The following IFFO1 variants were observed in gnomAD, a reference collection of about 807,000 sequenced individuals.
IFFO1 encodes intermediate filament family orphan 1.
In IFFO1, 42 loss-of-function variants were observed where a neutral mutation model predicts 59.6. The observed-to-expected ratio is 0.70, with a 90% CI of 0.55 to 0.91. The LOEUF (loss-of-function observed/expected upper bound fraction) is 0.91, where lower values mean the gene tolerates loss of function less well. Among genes scored for constraint, IFFO1 ranks in the 40% least tolerant of loss-of-function variants. The pLI is 0.00. For synonymous variants in IFFO1, 336 were observed against 342.8 expected (o/e 0.98, Z 0.22); for missense variants, 711 against 793.2 (o/e 0.90, Z 1.24).
At position 6,548,008 on chromosome 12, in the gene IFFO1, A is replaced by G. The variant is rs1947044599; in HGVS notation, c.1479+57T>C. On this transcript the variant is annotated intron_variant, in intron 8 of 9. Transcript: ENST00000619571. The surrounding 1 kb of genome is among the most constrained non-coding windows in gnomAD (Gnocchi z 6.1). The stretch of plus-strand genomic sequence containing the variant: ...GCAGGGATGAGGCCACTGCGCCTGC[A>G]GCCCCACTCAAAACCCTCTGGGACA... 1 of 1,296,374 alleles carries G rather than the reference A, an allele frequency of 7.7e-7. No individual in the cohort carries two copies. The highest frequency in any genetic ancestry group is 1.1e-6 in the Non-Finnish European group (1 of 890,914). The allele number at this position is 1,296,374 out of a possible 1,614,324, so 80.3% of individuals were successfully genotyped here.
At chr12:6,550,893 CA>C (rs1947204278) in intron 2 of IFFO1, 47 bp downstream of exon 2, 4 of 1,608,970 alleles carry the variant, frequency 2.5e-6, no homozygotes, top group Non-Finnish European at 2.6e-6. Flanking sequence ...CATGGGCAGA[CA>C]GGGGTACCCA....
chr12:6,546,377 G>A (rs896483549), intron 8 of IFFO1, among the ~76,000 whole-genome samples: 5 of 152,230 alleles, frequency 3.3e-5, no homozygotes, highest in South Asian at 2.1e-4. Context: ...AAGTCAGAGC[G>A]TCGGGAAAGG....
chr12:6,540,696 G>A, intron 9 of IFFO1, 108 bp from the exon 10 acceptor site: 1 of 976,732 alleles, frequency 1.0e-6, no homozygotes, highest in Non-Finnish European at 1.6e-6. Context: ...AGAAGTACCG[G>A]AAGCGAGGGC....
rs1464905861 is a variant in IFFO1, at chr12:6,541,808, C to T, written c.1480-166G>A. On this transcript the variant is annotated intron_variant, in intron 8 of 9. Transcript: ENST00000619571. The surrounding 1 kb of genome is among the most constrained non-coding windows in gnomAD (Gnocchi z 4.8). ...AAATAAACCAGACCAAGGCAGAAGG[C>T]AGCGAATACACCATTGTTTCCTCTG... is the stretch of plus-strand genomic sequence containing the variant. 2.6e-5 allele frequency among the ~76,000 whole-genome samples: 4 copies of T among 152,248 alleles called. No individual in the cohort carries two copies. The highest frequency in any genetic ancestry group is 9.6e-5 in the African/African-American group (4 of 41,466).
In IFFO1 at chr12:6,541,021, CAAA is replaced by C. The variant is rs34135055; in HGVS notation, c.1611-436_1611-434del. Among the ~76,000 whole-genome samples the C allele has an allele frequency of 6.0e-5, 8 of 133,068 alleles. No homozygotes were observed. Among genetic ancestry groups the C allele is most frequent in the East Asian group, 2.2e-4 (1 of 4,568 alleles). The allele number at this position is 133,068 out of a possible 152,430, so 87.3% of individuals were successfully genotyped here. A position where few individuals can be genotyped will look rare whatever the true frequency, so the allele number is the denominator to read the frequency against. On this transcript the variant is annotated intron_variant, in intron 9 of 9. Transcript: ENST00000619571. This position sits in a 1 kb window ranked among gnomAD's most constrained non-coding sequence, Gnocchi z 4.8. ...CTGGGAGGCGGAGGTTGTAGTGAGC[CAAA>C]AAAAAAAAAAAAAGAAATAGCTGAA...
At position 6,543,272 on chromosome 12, in the gene IFFO1, C is replaced by A. The variant is rs539049480; in HGVS notation, c.1480-1630G>T. Among the ~76,000 whole-genome samples, 8 of 152,276 alleles carry A rather than the reference C, an allele frequency of 5.3e-5. No homozygotes were observed. In the South Asian group the frequency reaches 1.7e-3, roughly 32 times the overall value. On this transcript the variant is annotated intron_variant, in intron 8 of 9. Transcript: ENST00000619571. ...CTAACGGTTCCCCTAATGCAGAAGT[C>A]CCCAAACCCCAGGCCACGGACCAGT...
Position 6,555,386 on chromosome 12 carries a change from T to C in IFFO1, c.644A>G (p.Gln215Arg), listed in dbSNP as rs761833132. Residue 215 changes from glutamine to arginine, a missense_variant, in exon 1 of 10, where the codon CAA (glutamine) becomes CGA (arginine). By Grantham distance (43) the Gln-to-Arg change is conservative (BLOSUM62 1). Coordinates refer to ENST00000619571, the MANE Select transcript of IFFO1 (RefSeq NM_001193457.2). The surrounding 1 kb of genome is among the most constrained non-coding windows in gnomAD (Gnocchi z 8.6). The stretch of plus-strand genomic sequence containing the variant: ...GTGCACCCACGACAAGCCAGGCCCT[T>C]GCACCAGAGTGGGCTCCAGTCCCGG... ...LGPGLEPTLV[Q>R]GPGLSWVHPD... 6.2e-7 allele frequency: 1 copy of C among 1,614,096 alleles called. No homozygotes were observed. The highest frequency in any genetic ancestry group is 1.1e-5 in the South Asian group (1 of 91,074).
Position 6,540,296 on chromosome 12 carries a change from G to C in IFFO1, c.*187C>G, listed in dbSNP as rs1946638936. The C allele has an allele frequency of 3.3e-6, 2 of 607,998 alleles. No homozygotes were observed. The highest frequency in any genetic ancestry group is 1.9e-5 in the African/African-American group (1 of 54,026). 37.7% of individuals were successfully genotyped at this position (607,998 alleles called of 1,614,324 possible). On this transcript the variant is annotated 3_prime_UTR_variant, in exon 10 of 10. Transcript: ENST00000619571. The stretch of plus-strand genomic sequence containing the variant: ...CCCCAGAATGGTAGGGCCAAGCCTA[G>C]CTCCAGACACCCCAGAGCCCTGGAG...
Position 6,548,679 on chromosome 12 carries a change from C to A in IFFO1, c.1251G>T (p.Met417Ile). The A allele has an allele frequency of 6.2e-7, 1 of 1,614,130 alleles. No individual in the cohort carries two copies. The highest frequency in any genetic ancestry group is 8.5e-7 in the Non-Finnish European group (1 of 1,180,020). ...GCCTGCGGACTCACAGCTGGTTGAG[C>A]ATGCGCTGCATCTCCTCGTTGATGC... is the stretch of plus-strand genomic sequence containing the variant. ...ALSINEEMQR[M>I]LNQLREYDFE... The change falls in exon 6 of 10, where the codon ATG becomes ATT. Residue 417 changes from methionine to isoleucine, a missense_variant. Transcript: ENST00000619571. This position sits in a 1 kb window ranked among gnomAD's most constrained non-coding sequence, Gnocchi z 6.1.
In IFFO1 at chr12:6,541,705, C is replaced by G; in HGVS notation, c.1480-63G>C. ...TGGCGTTCACAGCGCCTCTGTTGCC[C>G]CCGCCAGGAGGCCAACACGCCAAGA... On this transcript the variant is annotated intron_variant, in intron 8 of 9. Coordinates refer to ENST00000619571, the MANE Select transcript of IFFO1 (RefSeq NM_001193457.2). The surrounding 1 kb of genome is among the most constrained non-coding windows in gnomAD (Gnocchi z 4.8). 2 of 1,602,164 alleles carry G rather than the reference C, an allele frequency of 1.2e-6. No individual in the cohort carries two copies. The highest frequency in any genetic ancestry group is 1.7e-6 in the Non-Finnish European group (2 of 1,174,602).
Position 6,548,184 on chromosome 12 carries a change from G to A in IFFO1, c.1384-24C>T, listed in dbSNP as rs1054005551. 28 of 1,596,256 alleles carry A rather than the reference G, an allele frequency of 1.8e-5. No individual in the cohort carries two copies. The highest frequency in any genetic ancestry group is 2.2e-5 in the Non-Finnish European group (26 of 1,163,932). ...TGCTGGAGTAGAAAGGGAAGCGGGG[G>A]AGGCCAGCCAAGGAGGGATGGGATG... is the stretch of plus-strand genomic sequence containing the variant. On this transcript the variant is annotated intron_variant, in intron 7 of 9. Transcript: ENST00000619571. This position sits in a 1 kb window ranked among gnomAD's most constrained non-coding sequence, Gnocchi z 6.1.
chr12:6,554,523 GC>G (rs1339470750), intron 1 of IFFO1, among the ~76,000 whole-genome samples: 6 of 152,150 alleles, frequency 3.9e-5, no homozygotes. Flanking sequence ...CACCGGGCCC[GC>G]CCCGCGGCCT....
chr12:6,544,339 G>A (rs944070049), intron 8 of IFFO1, among the ~76,000 whole-genome samples: 1 of 151,914 alleles, frequency 6.6e-6, no homozygotes, highest in Non-Finnish European at 1.5e-5. Flanking sequence ...GCTACTTTTT[G>A]TATTTTTAGT....
In IFFO1 at chr12:6,550,679, C is replaced by G; in HGVS notation, c.930+16G>C. On this transcript the variant is annotated intron_variant, in intron 3 of 9. Coordinates refer to ENST00000619571, the MANE Select transcript of IFFO1 (RefSeq NM_001193457.2). ...AGCCTCACTTCGACCCTCGGGAAGC[C>G]TGGGGCTGCACTCACGTTACTCATG... 6.2e-7 allele frequency: 1 copy of G among 1,607,798 alleles called. No homozygotes were observed. Among genetic ancestry groups the G allele is most frequent in the Non-Finnish European group, 8.5e-7 (1 of 1,174,454 alleles).
rs141287601 is a variant in IFFO1, at chr12:6,541,941, A to T, written c.1480-299T>A. Among the ~76,000 whole-genome samples the T allele has an allele frequency of 2.3e-3, 346 of 152,232 alleles. No homozygotes were observed. The highest frequency in any genetic ancestry group is 3.5e-3 in the Non-Finnish European group (241 of 68,012). ...AGGAAAGTCAGTGTGGGCGGGATGG[A>T]GCAGATCCACAGGCTCCCAGGGCCA... On this transcript the variant is annotated intron_variant, in intron 8 of 9. Transcript: ENST00000619571. The surrounding 1 kb of genome is among the most constrained non-coding windows in gnomAD (Gnocchi z 4.8).
rs1947407667 is a variant in IFFO1 at position 6,555,585 on chromosome 12, A to G, written c.445T>C (p.Cys149Arg). 4.2e-6 allele frequency: 6 copies of G among 1,417,760 alleles called. No individual in the cohort carries two copies. In the Admixed American group the frequency reaches 1.1e-4, roughly 25 times the overall value. 87.8% of individuals were successfully genotyped at this position (1,417,760 alleles called of 1,614,324 possible). ...CCCAGCACGCGCGCCGAAGGGCTGC[A>G]GACAGCGGCCGGCCGGGCGCCCAGC... ...LQLGARPAAVCSPSARVLGSP... is the reference protein window; with the variant it reads ...LQLGARPAAVRSPSARVLGSP... The change falls in exon 1 of 10, where the codon TGC becomes CGC. Residue 149 changes from cysteine (C) to arginine (R), a missense_variant. This residue lies in a region of IFFO1 where 579 missense variants were observed against 650.3 expected (regional missense o/e 0.89). Coordinates refer to ENST00000619571, the MANE Select transcript of IFFO1 (RefSeq NM_001193457.2). This position sits in a 1 kb window ranked among gnomAD's most constrained non-coding sequence, Gnocchi z 8.6.
At chr12:6,540,740 T>C (rs1946672332) in intron 9 of IFFO1, 152 bp from the exon 10 acceptor site, 12 of 689,130 alleles carry the variant, frequency 1.7e-5, no homozygotes, top group Non-Finnish European at 3.0e-5. Context: ...CGGCAGGGAC[T>C]GAACTCTCTC....
At chr12:6,540,636 A>C in intron 9 of IFFO1, 48 bp from the exon 10 acceptor site, 1 of 1,492,460 alleles carries the variant, frequency 6.7e-7, no homozygotes, top group South Asian at 1.1e-5. Context: ...AGGAATCCTG[A>C]AGACGGACGG....
chr12:6,548,169 G>A lies in IFFO1; in HGVS notation c.1384-9C>T. On this transcript the variant is annotated splice_polypyrimidine_tract_variant and intron_variant, in intron 7 of 9. Transcript: ENST00000619571. This position sits in a 1 kb window ranked among gnomAD's most constrained non-coding sequence, Gnocchi z 6.1. ...AGGCTATCTTCCTGCTGCTGGAGTA[G>A]AAAGGGAAGCGGGGGAGGCCAGCCA... The A allele has an allele frequency of 1.2e-6, 2 of 1,612,188 alleles. No homozygotes were observed. The highest frequency in any genetic ancestry group is 1.7e-6 in the Non-Finnish European group (2 of 1,178,266).
Sources: gnomAD v4.1 joint callset for allele counts (sites outside exome capture counted in the v4.1 genomes callset) on GRCh38, gnomAD v4.1.1 for gene constraint, gnomAD v4.1.1 regional missense constraint, Gnocchi (gnomAD v3.1) non-coding constraint, MANE v1.5 for transcripts, NCBI Gene and HGNC (gene_info 2026-07-23, HGNC 2026-07-21) for gene names.